ABI3BP: variants seen among roughly 807,000 people sequenced by gnomAD.
The protein encoded by ABI3BP is ABI family member 3 binding protein, also known as target of Nesh-SH3.
Under a neutral mutation model 268.6 loss-of-function variants are expected in ABI3BP, and 216 were observed. That is an observed-to-expected ratio of 0.80 (90% confidence interval 0.72 to 0.90). The LOEUF (loss-of-function observed/expected upper bound fraction) is 0.90. Ranked by LOEUF, ABI3BP falls within the 40% of genes least tolerant of loss-of-function variation. The pLI is 0.00. For synonymous variants in ABI3BP, 730 were observed against 730.0 expected, an observed-to-expected ratio of 1.00 and a Z score of 0.00; for missense variants, 2,090 against 2,182.4, an observed-to-expected ratio of 0.96 and a Z score of 0.84.
At chr3:100,874,245 T>C (rs2099138679) in intron 9 of ABI3BP, among the ~76,000 whole-genome samples, 1 of 152,188 alleles carries the variant, frequency 6.6e-6, no homozygotes, top group Admixed American at 6.5e-5. Flanking sequence ...GTGCTCCTGA[T>C]GTTTGATCAA....
At chr3:100,990,228 T>C (rs575384840) in intron 1 of ABI3BP, among the ~76,000 whole-genome samples, 1 of 152,248 alleles carries the variant, frequency 6.6e-6, no homozygotes, top group Non-Finnish European at 1.5e-5. Context: ...TTTTTCAACA[T>C]TGATCCCCTT....
chr3:100,815,350 A>G (rs996638786), intron 44 of ABI3BP, among the ~76,000 whole-genome samples: 3 of 152,168 alleles, frequency 2.0e-5, no homozygotes, highest in Non-Finnish European at 2.9e-5. Context: ...TAAATATTGA[A>G]CATGCATAGA....
intron 49 of ABI3BP, 46 bp downstream of exon 49, chr3:100,810,366 C>T (rs1278575943): frequency 6.8e-7 from 1 of 1,464,742 alleles, no homozygotes; most frequent in Non-Finnish European, 9.2e-7. Flanking sequence ...TACTGACATT[C>T]TGCAAACACT....
intron 27 of ABI3BP, among the ~76,000 whole-genome samples, chr3:100,836,429 A>T (rs2098591824): frequency 1.3e-5 from 2 of 152,162 alleles, no homozygotes; most frequent in Non-Finnish European, 2.9e-5. Context: ...CTCTTTAGGC[A>T]TTTATAGAGA....
intron 10 of ABI3BP, 96 bp downstream of exon 10, chr3:100,866,783 C>A: frequency 1.0e-6 from 1 of 1,003,086 alleles, no homozygotes; most frequent in Non-Finnish European, 1.5e-6. Flanking sequence ...AAATGTATTT[C>A]CTACTGGCTC....
intron 2 of ABI3BP, among the ~76,000 whole-genome samples, chr3:100,905,272 T>C (rs2052803222): frequency 6.6e-6 from 1 of 151,210 alleles, no homozygotes; most frequent in Admixed American, 6.6e-5. Context: ...TGGGGTGGGG[T>C]ATGGGGGAAG....
chr3:100,931,612 C>T (rs950122291), intron 1 of ABI3BP, among the ~76,000 whole-genome samples: 30 of 151,032 alleles, frequency 2.0e-4, no homozygotes, highest in Non-Finnish European at 4.4e-4. Context: ...AATAGCCACA[C>T]ACACAAAAAA....
chr3:100,837,246 T>A, intron 26 of ABI3BP, 75 bp from the exon 27 acceptor site: 2 of 1,179,120 alleles, frequency 1.7e-6, no homozygotes, highest in Non-Finnish European at 2.4e-6. Flanking sequence ...CATTGGTGTT[T>A]AATTCAGAGG....
chr3:100,964,584 G>C (rs1222278162), intron 1 of ABI3BP, among the ~76,000 whole-genome samples: 1 of 152,130 alleles, frequency 6.6e-6, no homozygotes, highest in Non-Finnish European at 1.5e-5. Context: ...ACCAGACAAC[G>C]TAGCCACTTC....
At position 100,823,511 on chromosome 3, in the gene ABI3BP, G is replaced by A. The variant is rs2098286390; in HGVS notation, c.2750C>T (p.Pro917Leu). The A allele has an allele frequency of 1.3e-6, 2 of 1,531,572 alleles. No individual in the cohort carries two copies. Among genetic ancestry groups the A allele is most frequent in the Non-Finnish European group, 1.7e-6 (2 of 1,144,718 alleles). The allele number at this position is 1,531,572 out of a possible 1,614,324, so 94.9% of individuals were successfully genotyped here. A position where few individuals can be genotyped will look rare whatever the true frequency, so the allele number is the denominator to read the frequency against. ...AGTGACAGGTTCTAGGACTGTAGCA[G>A]GAACTGACCAAAACAACATGTAAAT... ...SPQAPETKPVPATVLEPVTLR... is the reference protein window; with the variant it reads ...SPQAPETKPVLATVLEPVTLR... Residue 917 changes from proline (P) to leucine (L), a missense_variant, in exon 37 of 68, where the codon CCT becomes CTT. Coordinates refer to ENST00000471714, the MANE Select transcript of ABI3BP (RefSeq NM_001375547.2).
At chr3:100,877,670 T>C (rs954277460) in intron 6 of ABI3BP, among the ~76,000 whole-genome samples, 3 of 152,198 alleles carry the variant, frequency 2.0e-5, no homozygotes, top group African/African-American at 7.2e-5. Flanking sequence ...CAGAAAATTA[T>C]ACACAGGAGA....
At chr3:100,869,129 C>T (rs998528581) in intron 9 of ABI3BP, among the ~76,000 whole-genome samples, 7 of 151,864 alleles carry the variant, frequency 4.6e-5, no homozygotes, top group Admixed American at 1.3e-4. Flanking sequence ...TTTGTTTAAT[C>T]GTCCAGATCC....
chr3:100,843,401 AGT>A (rs58147308), intron 20 of ABI3BP, among the ~76,000 whole-genome samples: 49,093 of 148,868 alleles, frequency 0.33, 8,167 homozygotes, highest in East Asian at 0.43. Flanking sequence ...AAAAATTCTG[AGT>A]GTGTGTGTGT....
intron 1 of ABI3BP, among the ~76,000 whole-genome samples, chr3:100,972,941 T>C (rs2084360351): frequency 6.6e-6 from 1 of 152,202 alleles, no homozygotes; most frequent in South Asian, 2.1e-4. Flanking sequence ...TGCATGTTCC[T>C]GGCTGAGGTT....
intron 14 of ABI3BP, among the ~76,000 whole-genome samples, chr3:100,859,089 C>T (rs1225427416): frequency 6.6e-6 from 1 of 152,188 alleles, no homozygotes; most frequent in Non-Finnish European, 1.5e-5. Flanking sequence ...TAAGTCTTTT[C>T]TATCATCTTC....
Position 100,888,811 on chromosome 3 carries a change from T to C in ABI3BP, c.462-2488A>G, listed in dbSNP as rs531628093. On this transcript the variant is annotated intron_variant, in intron 4 of 67. Coordinates refer to ENST00000471714, the MANE Select transcript of ABI3BP (RefSeq NM_001375547.2). ...ATAGGCAAATTCCAATTTTGTTTTATAGCACTATCATTTTTTTTCAAGCAG... is the reference window on the plus strand; with the variant it reads ...ATAGGCAAATTCCAATTTTGTTTTACAGCACTATCATTTTTTTTCAAGCAG... Among the ~76,000 whole-genome samples the C allele has an allele frequency of 7.2e-5, 11 of 152,186 alleles. No homozygotes were observed. The South Asian group carries it at 2.3e-3, about 32-fold the overall frequency.
intron 63 of ABI3BP, 133 bp downstream of exon 63, chr3:100,765,708 A>G (rs1323915293): frequency 4.4e-6 from 3 of 674,992 alleles, no homozygotes; most frequent in African/African-American, 3.6e-5. Context: ...AGTGCTATAT[A>G]TAGAAAACCC....
chr3:100,789,370 C>A (rs2097137280), intron 56 of ABI3BP, 84 bp downstream of exon 56: 1 of 1,308,038 alleles, frequency 7.6e-7, no homozygotes. Context: ...GTAAGGGTTC[C>A]CCTTTGGTGT....
chr3:100,937,131 A>C (rs1194123427), intron 1 of ABI3BP, among the ~76,000 whole-genome samples: 1 of 152,042 alleles, frequency 6.6e-6, no homozygotes, highest in African/African-American at 2.4e-5. Context: ...GTCATTAGGG[A>C]AATGCAAATT....
Sources: gnomAD v4.1 joint callset for allele counts (sites outside exome capture counted in the v4.1 genomes callset) on GRCh38, gnomAD v4.1.1 for gene constraint, MANE v1.5 for transcripts, NCBI Gene and HGNC (gene_info 2026-07-23, HGNC 2026-07-21) for gene names.